MASP1: variants seen among roughly 807,000 people sequenced by gnomAD.
MASP1 encodes the protein MBL associated serine protease 1.
In MASP1, 59 loss-of-function variants were observed where a neutral mutation model predicts 77.1. The observed-to-expected ratio is 0.77, with a 90% CI of 0.62 to 0.95. MASP1 has a LOEUF of 0.95. Among genes scored for constraint, MASP1 ranks in the 40% least tolerant of loss-of-function variants. MASP1 has a pLI of 0.00. For missense variants in MASP1, 885 were observed against 912.9 expected, an observed-to-expected ratio of 0.97 and a Z score of 0.39; for synonymous variants, 362 against 354.5, an observed-to-expected ratio of 1.02 and a Z score of -0.24.
intron 2 of MASP1, among the ~76,000 whole-genome samples, chr3:187,265,366 T>C (rs1238708221): frequency 1.3e-5 from 2 of 152,178 alleles, no homozygotes; most frequent in African/African-American, 2.4e-5. Flanking sequence ...TGAGGGTCTG[T>C]GATAAATGAC....
Position 187,249,950 on chromosome 3 carries a change from T to G in MASP1, c.1090+301A>C, listed in dbSNP as rs531855578. Among the ~76,000 whole-genome samples the G allele has an allele frequency of 2.2e-4, 34 of 152,320 alleles. 1 individual carries two copies. The highest frequency in any genetic ancestry group is 1.9e-3 in the Admixed American group (29 of 15,310). ...CTGAATTAGCAATTGCCAAAGCTGG[T>G]TTTGAACCTGGACACGTGCTATTCC... On this transcript the variant is annotated intron_variant, in intron 8 of 10. Transcript: ENST00000296280.
chr3:187,242,327 C>G (rs1431606370), intron 9 of MASP1: 1 of 152,258 alleles, frequency 6.6e-6, no homozygotes, highest in East Asian at 1.9e-4. Flanking sequence ...GCCTGACCAA[C>G]ATGGCAAAAG....
intron 2 of MASP1, among the ~76,000 whole-genome samples, chr3:187,284,599 C>G (rs537856692): frequency 6.6e-6 from 1 of 152,150 alleles, no homozygotes. Flanking sequence ...ATAAAATAAG[C>G]GGAAGCACAG....
At chr3:187,262,361 G>A (rs987662084) in intron 3 of MASP1, among the ~76,000 whole-genome samples, 182 bp downstream of exon 3, 1 of 152,194 alleles carries the variant, frequency 6.6e-6, no homozygotes, top group Non-Finnish European at 1.5e-5. Flanking sequence ...AAGATGAATT[G>A]CTGGATGGAT....
intron 6 of MASP1, 139 bp from the exon 7 acceptor site, chr3:187,251,891 T>C: frequency 1.4e-6 from 1 of 726,416 alleles, no homozygotes; most frequent in East Asian, 2.7e-5. Flanking sequence ...TTCCAAGCCC[T>C]GCAAGAGACT....
intron 2 of MASP1, among the ~76,000 whole-genome samples, chr3:187,267,125 G>A (rs900464021): frequency 1.3e-5 from 2 of 152,240 alleles, no homozygotes; most frequent in Admixed American, 1.3e-4. Flanking sequence ...GGTGAATCTA[G>A]TGAGTGGTGA....
intron 2 of MASP1, among the ~76,000 whole-genome samples, chr3:187,280,605 C>A (rs1160225010): frequency 6.6e-6 from 1 of 152,110 alleles, no homozygotes; most frequent in African/African-American, 2.4e-5. Context: ...GAAAAAAATT[C>A]TTTTCTGGGC....
At chr3:187,221,919 G>A (rs1388799374) in intron 14 of MASP1, among the ~76,000 whole-genome samples, 1 of 152,166 alleles carries the variant, frequency 6.6e-6, no homozygotes, top group Non-Finnish European at 1.5e-5. Context: ...TGGAGTAGAT[G>A]TCTGGAATAA....
At chr3:187,223,545 A>T (rs2108500228) in intron 13 of MASP1, among the ~76,000 whole-genome samples, 1 of 152,322 alleles carries the variant, frequency 6.6e-6, no homozygotes, top group East Asian at 1.9e-4. Flanking sequence ...TAGGTGCTCA[A>T]TCAAGAACAG....
chr3:187,221,059 T>C (rs1331978159), exon 15 of MASP1: 2 of 1,614,172 alleles, frequency 1.2e-6, no homozygotes, highest in South Asian at 1.1e-5. Context: ...GCACAGATCA[T>C]GTCCCTGGTC....
rs4012004 is a variant in MASP1 at position 187,239,187 on chromosome 3, TAA to T, written c.1303+2292_1303+2293del. On this transcript the variant is annotated intron_variant, in intron 10 of 10. Coordinates refer to ENST00000296280, the MANE Select transcript of MASP1 (RefSeq NM_139125.4). The stretch of plus-strand genomic sequence containing the variant: ...GAGAAACCCCGTCTCTACTAAAAAT[TAA>T]AAAAAAAAAAAAAAAAAGTCAGGCA... 3.7e-3 allele frequency among the ~76,000 whole-genome samples: 458 copies of T among 123,192 alleles called. 2 individuals are homozygous for T. Among genetic ancestry groups the T allele is most frequent in the African/African-American group, 8.4e-3 (285 of 33,836 alleles). 80.8% of individuals were successfully genotyped at this position (123,192 alleles called of 152,430 possible). A position where few individuals can be genotyped will look rare whatever the true frequency, so the allele number is the denominator to read the frequency against.
intron 10 of MASP1, among the ~76,000 whole-genome samples, chr3:187,238,150 A>G (rs1713326235): frequency 6.6e-6 from 1 of 152,212 alleles, no homozygotes; most frequent in Non-Finnish European, 1.5e-5. Context: ...GGACACGTCT[A>G]TGGCTTGGTC....
In MASP1 at chr3:187,234,353, G is replaced by C. The variant is rs1159575866; in HGVS notation, c.*1331C>G. The C allele has an allele frequency of 7.8e-7, 1 of 1,287,268 alleles. No individual in the cohort carries two copies. The highest frequency in any genetic ancestry group is 2.3e-5 in the Admixed American group (1 of 43,562). 79.7% of individuals were successfully genotyped at this position (1,287,268 alleles called of 1,614,324 possible). ...GCTCCAGGGAGAAGGAGAACAATCA[G>C]CCCTGTGAGGGCCAGAGAGGCTGCT... On this transcript the variant is annotated 3_prime_UTR_variant, in exon 11 of 11. Transcript: ENST00000296280.
intron 8 of MASP1, among the ~76,000 whole-genome samples, chr3:187,250,000 G>A (rs1714425479): frequency 6.6e-6 from 1 of 152,222 alleles, no homozygotes; most frequent in Non-Finnish European, 1.5e-5. Context: ...CAACCCATCC[G>A]TGGGCTGAAG....
At chr3:187,254,062 G>C (rs1383280759) in intron 5 of MASP1, among the ~76,000 whole-genome samples, 9 of 152,142 alleles carry the variant, frequency 5.9e-5, no homozygotes, top group Non-Finnish European at 1.3e-4. Context: ...GAAGGGCAGA[G>C]TGCTGTCTGG....
chr3:187,230,255 G>A (rs1220481066), downstream of MASP1, among the ~76,000 whole-genome samples: 1 of 152,190 alleles, frequency 6.6e-6, no homozygotes, highest in Non-Finnish European at 1.5e-5. Context: ...AGAAGAGAAA[G>A]TCATTCCCTA....
downstream of MASP1, among the ~76,000 whole-genome samples, chr3:187,231,852 C>T (rs1712786658): frequency 6.6e-6 from 1 of 152,144 alleles, no homozygotes; most frequent in South Asian, 2.1e-4. Flanking sequence ...GAGAACTGAA[C>T]ATGTAATTTT....
At chr3:187,268,726 T>C (rs1402076591) in intron 2 of MASP1, among the ~76,000 whole-genome samples, 1 of 152,032 alleles carries the variant, frequency 6.6e-6, no homozygotes. Flanking sequence ...AGAGGAAATA[T>C]AGAGGGCCCA....
At position 187,259,082 on chromosome 3, in the gene MASP1, C is replaced by T. The variant is rs368027720; in HGVS notation, c.547+1659G>A. Among the ~76,000 whole-genome samples, 13 of 152,150 alleles carry T rather than the reference C, an allele frequency of 8.5e-5. No homozygotes were observed. The East Asian group carries it at 1.2e-3, about 14-fold the overall frequency. On this transcript the variant is annotated intron_variant, in intron 4 of 10. Transcript: ENST00000296280. ...CGTTCCCCACTGCATTTACTGCACG[C>T]GAGAATCCACTGTCCTGGGAACCCA...
Sources: gnomAD v4.1 joint callset for allele counts (sites outside exome capture counted in the v4.1 genomes callset) on GRCh38, gnomAD v4.1.1 for gene constraint, MANE v1.5 for transcripts, NCBI Gene and HGNC (gene_info 2026-07-23, HGNC 2026-07-21) for gene names.